PLCB1: variants seen among roughly 807,000 people sequenced by gnomAD.
The protein encoded by PLCB1 is 1-phosphatidylinositol 4,5-bisphosphate phosphodiesterase beta-1.
A neutral mutation model predicts 161.8 loss-of-function variants in PLCB1; 46 were observed. The observed-to-expected ratio is 0.28, with a 90% CI of 0.22 to 0.36. The LOEUF (loss-of-function observed/expected upper bound fraction) is 0.36. PLCB1 is among the 10% of genes least tolerant of loss of function. The probability of loss-of-function intolerance (pLI) is 1.00; values close to 1 mark genes in which losing one functional copy is unlikely to be tolerated. For missense variants in PLCB1, 1,016 were observed against 1,472.5 expected (o/e 0.69, Z 5.07); for synonymous variants, 517 against 503.7 (o/e 1.03, Z -0.35).
intron 1 of PLCB1, among the ~76,000 whole-genome samples, chr20:8,149,257 A>G (rs1431726129): frequency 2.6e-5 from 4 of 152,194 alleles, no homozygotes; most frequent in African/African-American, 9.6e-5. Flanking sequence ...GTTAGGTATT[A>G]TGATTATTCC....
At chr20:8,312,687 A>G (rs1405417892) in intron 2 of PLCB1, among the ~76,000 whole-genome samples, 1 of 152,216 alleles carries the variant, frequency 6.6e-6, no homozygotes, top group Non-Finnish European at 1.5e-5. Context: ...TGCTCTTCTT[A>G]AAAGGGCATC....
intron 4 of PLCB1, among the ~76,000 whole-genome samples, chr20:8,632,829 C>T (rs112554913): frequency 3.3e-5 from 5 of 152,212 alleles, no homozygotes; most frequent in African/African-American, 1.2e-4. Context: ...ACTGAGGAGG[C>T]AACTGCAACT....
chr20:8,881,077 G>C (rs1987961927), intron 31 of PLCB1: 1 of 164,998 alleles, frequency 6.1e-6, no homozygotes, highest in African/African-American at 2.4e-5. Context: ...TGTTGGCTAG[G>C]CTGGTCTTAA....
At chr20:8,744,367 A>G (rs1223459406) in intron 23 of PLCB1, among the ~76,000 whole-genome samples, 1 of 152,132 alleles carries the variant, frequency 6.6e-6, no homozygotes, top group Admixed American at 6.5e-5. Flanking sequence ...TCAAGAGAAC[A>G]TTTCAACACT....
At chr20:8,371,736 T>TA in intron 3 of PLCB1, 1 of 310,848 alleles carries the variant, frequency 3.2e-6, no homozygotes, top group Non-Finnish European at 5.9e-6. Flanking sequence ...TCTAAATGAT[T>TA]AAAAAGTACT....
intron 2 of PLCB1, among the ~76,000 whole-genome samples, chr20:8,166,830 A>T (rs1164430594): frequency 6.6e-6 from 1 of 151,808 alleles, no homozygotes; most frequent in Admixed American, 6.6e-5. Context: ...TTCTGCTGAA[A>T]TTTTTCACAA....
intron 31 of PLCB1, among the ~76,000 whole-genome samples, chr20:8,857,183 C>T (rs1341945088): frequency 6.6e-6 from 1 of 152,206 alleles, no homozygotes. Flanking sequence ...AGTAGAGGCA[C>T]ATGTGGCCCT....
intron 3 of PLCB1, among the ~76,000 whole-genome samples, chr20:8,584,931 C>T (rs1011354927): frequency 2.6e-5 from 4 of 152,116 alleles, no homozygotes; most frequent in Non-Finnish European, 5.9e-5. Context: ...CCTTGTGATC[C>T]CCCTGCCTCA....
chr20:8,732,711 TC>T (rs1980324502), intron 18 of PLCB1, among the ~76,000 whole-genome samples: 2 of 145,108 alleles, frequency 1.4e-5, no homozygotes, highest in East Asian at 2.0e-4. Flanking sequence ...ATTTAATATA[TC>T]ATTCTAATAT....
chr20:8,703,345 G>A (rs1470359878), intron 11 of PLCB1, among the ~76,000 whole-genome samples: 1 of 152,192 alleles, frequency 6.6e-6, no homozygotes, highest in Non-Finnish European at 1.5e-5. Context: ...CCAAATGTTA[G>A]CTTTCTTTCT....
chr20:8,252,922 A>G (rs1158588987), intron 2 of PLCB1, among the ~76,000 whole-genome samples: 1 of 151,946 alleles, frequency 6.6e-6, no homozygotes, highest in African/African-American at 2.4e-5. Context: ...AGGTGACCAC[A>G]TGTTCAGGTT....
chr20:8,866,118 A>G (rs1987420510), intron 31 of PLCB1, among the ~76,000 whole-genome samples: 1 of 152,194 alleles, frequency 6.6e-6, no homozygotes, highest in African/African-American at 2.4e-5. Flanking sequence ...CTTGCTATTC[A>G]ATTTATCTGA....
chr20:8,157,111 T>A (rs961501904), intron 2 of PLCB1, among the ~76,000 whole-genome samples: 4 of 152,230 alleles, frequency 2.6e-5, no homozygotes, highest in Admixed American at 2.6e-4. Context: ...TATTTCATAA[T>A]GTTGTGGGAA....
chr20:8,777,257 T>C (rs1288485604), intron 27 of PLCB1, among the ~76,000 whole-genome samples: 4 of 152,016 alleles, frequency 2.6e-5, no homozygotes, highest in Admixed American at 6.6e-5. Flanking sequence ...TGAAGAAACT[T>C]CCACAGGGAC....
At chr20:8,271,954 TCTAAGGAATAATGA>T (rs1982306191) in intron 2 of PLCB1, among the ~76,000 whole-genome samples, 1 of 152,008 alleles carries the variant, frequency 6.6e-6, no homozygotes, top group Non-Finnish European at 1.5e-5. Context: ...GGGAAAGATT[TCTAAGGAATAATGA>T]CTAAGAACAG....
At chr20:8,520,268 C>G (rs986488685) in intron 3 of PLCB1, among the ~76,000 whole-genome samples, 6 of 152,040 alleles carry the variant, frequency 3.9e-5, no homozygotes, top group East Asian at 1.9e-4. Context: ...CCAGAATATC[C>G]CATTGGTTAA....
chr20:8,857,701 C>T (rs1987115540), intron 31 of PLCB1, among the ~76,000 whole-genome samples: 1 of 152,122 alleles, frequency 6.6e-6, no homozygotes, highest in African/African-American at 2.4e-5. Context: ...ACTGTATTAC[C>T]CTGACACTTG....
intron 10 of PLCB1, among the ~76,000 whole-genome samples, chr20:8,685,518 G>A (rs1310935040): frequency 2.7e-5 from 4 of 147,630 alleles, no homozygotes; most frequent in Non-Finnish European, 4.4e-5. Flanking sequence ...GAGGTCAGGA[G>A]TTCGAGACCA....
chr20:8,403,389 A>G (rs1978647262), intron 3 of PLCB1, among the ~76,000 whole-genome samples: 1 of 152,082 alleles, frequency 6.6e-6, no homozygotes, highest in Admixed American at 6.5e-5. Context: ...CTCAAAAACC[A>G]ACCAAACAAA....
Sources: allele counts gnomAD v4.1 joint callset (sites outside exome capture counted in the v4.1 genomes callset), GRCh38; gene constraint gnomAD v4.1.1; transcripts MANE v1.5; gene names NCBI Gene and HGNC (gene_info 2026-07-23, HGNC 2026-07-21).